ATAD3A: variants seen among roughly 807,000 people sequenced by gnomAD.
ATAD3A encodes the protein ATPase family AAA domain containing 3A, also known as ATPase family AAA domain-containing protein 3A.
Under a neutral mutation model 73.8 loss-of-function variants are expected in ATAD3A, and 46 were observed. The ratio of observed to expected loss-of-function variants is 0.62; its 90% confidence interval spans 0.49 to 0.80. The LOEUF (loss-of-function observed/expected upper bound fraction) is 0.80. ATAD3A is among the 30% of genes least tolerant of loss of function. ATAD3A has a pLI of 0.00. For synonymous variants in ATAD3A, 319 were observed against 350.0 expected (o/e 0.91, Z 0.99); for missense variants, 705 against 838.0 (o/e 0.84, Z 1.96).
intron 4 of ATAD3A, among the ~76,000 whole-genome samples, chr1:1,518,452 C>T (rs1178926281): frequency 6.3e-5 from 9 of 142,804 alleles, no homozygotes; most frequent in African/African-American, 2.3e-4. Context: ...GGCGCGCGTA[C>T]ACCCCCCTAT....
At chr1:1,526,781 C>T (rs1296938161) in intron 13 of ATAD3A, among the ~76,000 whole-genome samples, 1 of 152,254 alleles carries the variant, frequency 6.6e-6, no homozygotes, top group African/African-American at 2.4e-5. Flanking sequence ...TGCGCCGCCG[C>T]CCCAGCTTGC....
Position 1,523,043 on chromosome 1 carries a change from C to T in ATAD3A, c.906+144C>T, listed in dbSNP as rs1172172694. 2.1e-6 allele frequency: 3 copies of T among 1,415,950 alleles called. No homozygotes were observed. The highest frequency in any genetic ancestry group is 1.5e-5 in the African/African-American group (1 of 65,476). 87.7% of individuals were successfully genotyped at this position (1,415,950 alleles called of 1,614,324 possible). A position where few individuals can be genotyped will look rare whatever the true frequency, so the allele number is the denominator to read the frequency against. The stretch of plus-strand genomic sequence containing the variant: ...GCACACTGCTTCACGGGTGGGTTTT[C>T]CTGTCTGGCGCTGTACCTTAGGGGT... On this transcript the variant is annotated intron_variant, in intron 8 of 15. Coordinates refer to ENST00000378756, the MANE Select transcript of ATAD3A (RefSeq NM_001170535.3). The surrounding 1 kb of genome is among the most constrained non-coding windows in gnomAD (Gnocchi z 5.1).
chr1:1,531,023 T>C (rs1642016471), intron 15 of ATAD3A, among the ~76,000 whole-genome samples: 1 of 152,020 alleles, frequency 6.6e-6, no homozygotes, highest in Non-Finnish European at 1.5e-5. Context: ...GGCACATTTG[T>C]GGTGTATGCC....
chr1:1,530,892 C>G (rs1642012988), intron 15 of ATAD3A, among the ~76,000 whole-genome samples: 1 of 151,318 alleles, frequency 6.6e-6, no homozygotes, highest in African/African-American at 2.4e-5. Context: ...TGGCTCACTC[C>G]TGTAATCCCA....
intron 14 of ATAD3A, among the ~76,000 whole-genome samples, chr1:1,528,329 C>G (rs1020973183): frequency 6.6e-6 from 1 of 151,642 alleles, no homozygotes; most frequent in Non-Finnish European, 1.5e-5. Flanking sequence ...ACCCCCAGGC[C>G]CTGGCTGTGA....
Position 1,517,784 on chromosome 1 carries a change from A to AGCCTC in ATAD3A, c.444+10_444+14dup. 2 of 1,243,756 alleles carry AGCCTC rather than the reference A, an allele frequency of 1.6e-6. No homozygotes were observed. The highest frequency in any genetic ancestry group is 2.3e-6 in the Non-Finnish European group (2 of 868,088). 77.0% of individuals were successfully genotyped at this position (1,243,756 alleles called of 1,614,324 possible). A position where few individuals can be genotyped will look rare whatever the true frequency, so the allele number is the denominator to read the frequency against. On this transcript the variant is annotated intron_variant, in intron 4 of 15. Coordinates refer to ENST00000378756, the MANE Select transcript of ATAD3A (RefSeq NM_001170535.3). The stretch of plus-strand genomic sequence containing the variant: ...ACCAACTGAAGCAGCAGGTGAGCTC[A>AGCCTC]GCCTCCCCTGCGAGGCGCCTGCGTC...
At chr1:1,530,702 G>A (rs1171226104) in intron 15 of ATAD3A, among the ~76,000 whole-genome samples, 11 of 122,178 alleles carry the variant, frequency 9.0e-5, no homozygotes, top group South Asian at 5.3e-4. Flanking sequence ...AGTGGCGGGC[G>A]CCTGTAGTCC....
At position 1,517,354 on chromosome 1, in the gene ATAD3A, G is replaced by A. The variant is rs773148798; in HGVS notation, c.326G>A (p.Arg109Gln). 250 of 1,540,136 alleles carry A rather than the reference G, an allele frequency of 1.6e-4. 1 individual carries two copies. Among genetic ancestry groups the A allele is most frequent in the Non-Finnish European group, 1.8e-4 (202 of 1,145,026 alleles). ...AVEQLKSEQIRAQAEERRKTL... is the reference protein window; with the variant it reads ...AVEQLKSEQIQAQAEERRKTL... ...GAGCAGCTCAAGAGCGAGCAGATCC[G>A]GGCGCAGGCTGAGGAGAGGAGGAAG... Residue 109 changes from arginine to glutamine, a missense_variant, in exon 3 of 16, where the codon CGG becomes CAG. This residue lies in a region of ATAD3A where 125 missense variants were observed against 170.6 expected (regional missense o/e 0.73). Transcript: ENST00000378756.
rs759783898 is a variant in ATAD3A at position 1,520,517 on chromosome 1, C to T, written c.681-31C>T. On this transcript the variant is annotated intron_variant, in intron 6 of 15. Coordinates refer to ENST00000378756, the MANE Select transcript of ATAD3A (RefSeq NM_001170535.3). This position sits in a 1 kb window ranked among gnomAD's most constrained non-coding sequence, Gnocchi z 4.0. ...GCTGCGTGGCACGGATCTTCGTGTC[C>T]TTCCTGGTCACACCACTGCTTTCCC... 1 of 1,614,122 alleles carries T rather than the reference C, an allele frequency of 6.2e-7. No individual in the cohort carries two copies. The highest frequency in any genetic ancestry group is 1.1e-5 in the South Asian group (1 of 91,084).
rs199535619 is a variant in ATAD3A, at chr1:1,524,394, G to A, written c.1211G>A (p.Arg404His). ...KLFDWANTSR[R>H]GLLLFVDEAD... ...TTTGACTGGGCCAATACCAGCCGGCGCGGGTGAGACGTCCCCACAGCATGC... is the reference window on the plus strand; with the variant it reads ...TTTGACTGGGCCAATACCAGCCGGCACGGGTGAGACGTCCCCACAGCATGC... The change falls in exon 11 of 16, where the codon CGC (arginine) becomes CAC (histidine). Residue 404 changes from arginine to histidine, a missense_variant. This residue lies in a region of ATAD3A where 252 missense variants were observed against 278.5 expected (regional missense o/e 0.90). Transcript: ENST00000378756. The A allele has an allele frequency of 7.1e-5, 114 of 1,604,124 alleles. No homozygotes were observed. Among genetic ancestry groups the A allele is most frequent in the Non-Finnish European group, 8.6e-5 (101 of 1,177,256 alleles).
At chr1:1,528,280 C>A (rs1482915386) in intron 14 of ATAD3A, among the ~76,000 whole-genome samples, 1 of 152,212 alleles carries the variant, frequency 6.6e-6, no homozygotes, top group Non-Finnish European at 1.5e-5. Flanking sequence ...CATTCCTCTT[C>A]ACTACGAGGA....
At chr1:1,515,234 G>A (rs1378324722) in intron 1 of ATAD3A, among the ~76,000 whole-genome samples, 1 of 152,110 alleles carries the variant, frequency 6.6e-6, no homozygotes, top group Non-Finnish European at 1.5e-5. Flanking sequence ...CCGCCACTGC[G>A]CCCAGCTAAT....
Position 1,527,427 on chromosome 1 carries a change from A to G in ATAD3A, c.1338-268A>G, listed in dbSNP as rs542684191. Among the ~76,000 whole-genome samples the G allele has an allele frequency of 1.5e-3, 231 of 152,328 alleles. 1 individual carries two copies. The highest frequency in any genetic ancestry group is 5.4e-3 in the African/African-American group (224 of 41,576). On this transcript the variant is annotated intron_variant, in intron 13 of 15. Transcript: ENST00000378756. The stretch of plus-strand genomic sequence containing the variant: ...GCTCCCAGCACAGCAGGGGTCAGGC[A>G]GCAGGAGAGAGTGGTGTTCCCGGCA...
chr1:1,524,822 C>T (rs553394723), intron 11 of ATAD3A, among the ~76,000 whole-genome samples: 1 of 150,326 alleles, frequency 6.7e-6, no homozygotes, highest in Non-Finnish European at 1.5e-5. Context: ...TGACCCCGCG[C>T]AGGGCACAGC....
chr1:1,519,789 G>A (rs1225550216), intron 5 of ATAD3A, among the ~76,000 whole-genome samples: 4 of 151,568 alleles, frequency 2.6e-5, no homozygotes, highest in African/African-American at 7.3e-5. Flanking sequence ...CAAAGAGCTC[G>A]TCCTGAGAAG....
intron 12 of ATAD3A, among the ~76,000 whole-genome samples, chr1:1,526,103 A>T (rs1641834091): frequency 6.7e-6 from 1 of 150,354 alleles, no homozygotes. Context: ...GCTCACTACA[A>T]CCTCTGCCTC....
chr1:1,516,172 A>G (rs1641351722), intron 2 of ATAD3A, 84 bp downstream of exon 2: 2 of 1,592,856 alleles, frequency 1.3e-6, no homozygotes, highest in East Asian at 2.3e-5. Flanking sequence ...GCCGGTGGGT[A>G]GGGCCGGGGG....
chr1:1,529,018 C>CA (rs916648084), intron 14 of ATAD3A, among the ~76,000 whole-genome samples: 16 of 152,222 alleles, frequency 1.1e-4, no homozygotes, highest in South Asian at 4.1e-4. Context: ...TGGTTGGGGC[C>CA]ATCTCCAGGC....
rs1322162538 is a variant in ATAD3A, at chr1:1,517,887, G to A, written c.444+112G>A. On this transcript the variant is annotated intron_variant, in intron 4 of 15. Coordinates refer to ENST00000378756, the MANE Select transcript of ATAD3A (RefSeq NM_001170535.3). ...GGCAAGAACGCTGGGGTTGCTGACGGTGGGTGCTAGAGCAGGGGAAACTAC... is the reference window on the plus strand; with the variant it reads ...GGCAAGAACGCTGGGGTTGCTGACGATGGGTGCTAGAGCAGGGGAAACTAC... 3.3e-6 allele frequency: 5 copies of A among 1,515,010 alleles called. No homozygotes were observed. The Admixed American group carries it at 6.8e-5, about 20-fold the overall frequency. The allele number at this position is 1,515,010 out of a possible 1,614,324, so 93.8% of individuals were successfully genotyped here.
Sources: gnomAD v4.1 joint callset for allele counts (sites outside exome capture counted in the v4.1 genomes callset) on GRCh38, gnomAD v4.1.1 for gene constraint, gnomAD v4.1.1 regional missense constraint, Gnocchi (gnomAD v3.1) non-coding constraint, MANE v1.5 for transcripts, NCBI Gene and HGNC (gene_info 2026-07-23, HGNC 2026-07-21) for gene names.